The following PDE7B variants were observed in gnomAD, a reference collection of about 807,000 sequenced individuals.
The protein encoded by PDE7B is 3',5'-cyclic-AMP phosphodiesterase 7B.
PDE7B carries 29 observed loss-of-function variants against 56.2 expected under a neutral mutation model. The ratio of observed to expected loss-of-function variants is 0.52; its 90% CI spans 0.38 to 0.70. The LOEUF (loss-of-function observed/expected upper bound fraction) is 0.70, where lower values mean the gene tolerates loss of function less well. Among genes scored for constraint, PDE7B ranks in the 30% least tolerant of loss-of-function variants. The pLI is 0.00. For synonymous variants in PDE7B, 197 were observed against 196.9 expected (o/e 1.00, Z 0.00); for missense variants, 490 against 565.0 (o/e 0.87, Z 1.35).
At chr6:136,073,615 C>T (rs1777084329) in intron 2 of PDE7B, among the ~76,000 whole-genome samples, 1 of 152,172 alleles carries the variant, frequency 6.6e-6, no homozygotes, top group African/African-American at 2.4e-5. Context: ...GGGCCTACTC[C>T]AGTGGCCTCA....
At chr6:136,170,336 G>A (rs934961190) in intron 8 of PDE7B, among the ~76,000 whole-genome samples, 3 of 152,096 alleles carry the variant, frequency 2.0e-5, no homozygotes, top group African/African-American at 7.2e-5. Context: ...CCATTTTGAA[G>A]TGTACAATTC....
intron 4 of PDE7B, among the ~76,000 whole-genome samples, chr6:136,148,342 T>C (rs997973750): frequency 4.1e-5 from 6 of 146,206 alleles, no homozygotes; most frequent in Non-Finnish European, 6.0e-5. Context: ...GGGTACAGAG[T>C]GAGACCAGGT....
At chr6:136,183,070 T>TC (rs199779078) in intron 11 of PDE7B, among the ~76,000 whole-genome samples, 9,785 of 102,004 alleles carry the variant, frequency 0.096, 1,161 homozygotes, top group African/African-American at 0.33. Context: ...AGACTCCGTC[T>TC]CCAAAAAAAA....
chr6:136,155,698 C>T lies in PDE7B; in HGVS notation c.651C>T (p.His217=), dbSNP rs569664902. ...CTGCAGCAGCACACGATGTGGACCA[C>T]CCAGGGGTGAACCAGCCATTTTTGA... ...LLAAAAHDVD[H]PGVNQPFLIK... is the part of the protein sequence containing the mutation. The change falls in exon 8 of 13, where the codon CAC becomes CAT. Residue 217 remains histidine (H), a synonymous_variant. Transcript: ENST00000308191. 2.5e-6 allele frequency: 4 copies of T among 1,613,916 alleles called. No homozygotes were observed. The highest frequency in any genetic ancestry group is 1.3e-5 in the African/African-American group (1 of 75,030).
chr6:136,018,638 A>G (rs1776017938), intron 2 of PDE7B, among the ~76,000 whole-genome samples: 1 of 152,164 alleles, frequency 6.6e-6, no homozygotes, highest in African/African-American at 2.4e-5. Flanking sequence ...AAAATAATAC[A>G]AACTCTTAAA....
At chr6:135,991,263 C>T (rs1370087099) in intron 2 of PDE7B, among the ~76,000 whole-genome samples, 2 of 152,128 alleles carry the variant, frequency 1.3e-5, no homozygotes, top group Non-Finnish European at 2.9e-5. Context: ...TGCAGTTTAT[C>T]AGGTCTTTTT....
At chr6:135,928,439 A>ATATTTATT (rs1774227789) in intron 1 of PDE7B, among the ~76,000 whole-genome samples, 3 of 109,412 alleles carry the variant, frequency 2.7e-5, no homozygotes, top group Non-Finnish European at 3.8e-5. Flanking sequence ...TTATATATAT[A>ATATTTATT]TATATATATT....
rs1269094865 is a variant in PDE7B at position 136,179,091 on chromosome 6, A to G, written c.898A>G (p.Asn300Asp). The change falls in exon 10 of 13, where the codon AAT (asparagine) becomes GAT (aspartate). Residue 300 changes from asparagine to aspartate, a missense_variant. Coordinates refer to ENST00000308191, the MANE Select transcript of PDE7B (RefSeq NM_018945.4). ...FLTRLKAHLH[N>D]KDLRLEDAQD... ...GACCAGATTGAAAGCTCACCTCCACAATAAAGACTTAAGACTGGAGGATGC... is the reference window on the plus strand; with the variant it reads ...GACCAGATTGAAAGCTCACCTCCACGATAAAGACTTAAGACTGGAGGATGC... 6.2e-7 allele frequency: 1 copy of G among 1,613,922 alleles called. No individual in the cohort carries two copies. The highest frequency in any genetic ancestry group is 8.5e-7 in the Non-Finnish European group (1 of 1,179,838).
chr6:136,191,528 G>C, intron 12 of PDE7B, 86 bp from the exon 13 acceptor site: 1 of 1,130,982 alleles, frequency 8.8e-7, no homozygotes, highest in Non-Finnish European at 1.3e-6. Context: ...TTAGCCGGGC[G>C]TGGTGGGTCC....
chr6:135,910,421 C>T (rs1333733354), intron 1 of PDE7B, among the ~76,000 whole-genome samples: 1 of 152,134 alleles, frequency 6.6e-6, no homozygotes, highest in Non-Finnish European at 1.5e-5. Context: ...TTGTTTTTCA[C>T]TTTTAAAGAC....
intron 2 of PDE7B, among the ~76,000 whole-genome samples, chr6:135,995,926 T>C (rs562416399): frequency 1.1e-4 from 16 of 152,206 alleles, no homozygotes; most frequent in Non-Finnish European, 2.2e-4. Context: ...AATTGTTAAT[T>C]AACACCATAA....
chr6:136,025,070 G>T (rs1287756758), intron 2 of PDE7B, among the ~76,000 whole-genome samples: 2 of 152,138 alleles, frequency 1.3e-5, no homozygotes, highest in African/African-American at 4.8e-5. Flanking sequence ...TATGGTTTAG[G>T]TCAAAAAAGA....
Position 136,181,272 on chromosome 6 carries a change from G to A in PDE7B, c.994G>A (p.Glu332Lys), listed in dbSNP as rs1172597154. Residue 332 changes from glutamate to lysine, a missense_variant, in exon 11 of 13, where the codon GAG becomes AAG. By Grantham distance (56) the Glu-to-Lys change is moderately conservative. Transcript: ENST00000308191. ...CATTTGCAATCCTTGTAGAATCTGG[G>A]AGATGAGCAAGCAGTGGAGTGAAAG... ...ADICNPCRIWEMSKQWSERVC... is the reference protein window; with the variant it reads ...ADICNPCRIWKMSKQWSERVC... The A allele has an allele frequency of 1.6e-5, 26 of 1,613,858 alleles. No homozygotes were observed. The highest frequency in any genetic ancestry group is 2.2e-5 in the Non-Finnish European group (26 of 1,179,862).
intron 1 of PDE7B, among the ~76,000 whole-genome samples, chr6:135,914,010 A>G (rs1776254417): frequency 6.6e-6 from 1 of 152,164 alleles, no homozygotes; most frequent in Admixed American, 6.5e-5. Flanking sequence ...GCGTTGAGTG[A>G]GTGTGAGATC....
chr6:135,890,933 T>C (rs976454636), intron 1 of PDE7B, among the ~76,000 whole-genome samples: 3 of 152,204 alleles, frequency 2.0e-5, no homozygotes, highest in African/African-American at 7.2e-5. Context: ...CAGTTAACTG[T>C]ATAAAAGAAA....
chr6:135,979,815 T>G (rs1161574942), intron 2 of PDE7B, among the ~76,000 whole-genome samples: 1 of 152,154 alleles, frequency 6.6e-6, no homozygotes, highest in East Asian at 1.9e-4. Context: ...GGAAGAACAT[T>G]CTATACTCAT....
chr6:135,906,818 T>TTTTTTTTTTTTTTGTTTTG (rs1562434092), intron 1 of PDE7B, among the ~76,000 whole-genome samples: 16 of 144,264 alleles, frequency 1.1e-4, no homozygotes, highest in African/African-American at 4.2e-4. Flanking sequence ...TTGTTTTTTT[T>TTTTTTTTTTTTTTGTTTTG]TTTTTTTTTT....
At chr6:136,191,037 T>TTTTTTTAA (rs1471563191) in intron 12 of PDE7B, among the ~76,000 whole-genome samples, 1 of 143,168 alleles carries the variant, frequency 7.0e-6, no homozygotes, top group African/African-American at 2.9e-5. Context: ...TTTTTTTTTT[T>TTTTTTTAA]ACTTATATGT....
chr6:136,077,054 G>A (rs1418916604), intron 2 of PDE7B, among the ~76,000 whole-genome samples: 1 of 147,528 alleles, frequency 6.8e-6, no homozygotes, highest in African/African-American at 2.5e-5. Context: ...AGGGAGCCTG[G>A]AGGATGTGTT....
Sources: allele counts gnomAD v4.1 joint callset (sites outside exome capture counted in the v4.1 genomes callset), GRCh38; gene constraint gnomAD v4.1.1; transcripts MANE v1.5; gene names NCBI Gene and HGNC (gene_info 2026-07-23, HGNC 2026-07-21).